The following MICAL3 variants were observed in gnomAD, a reference collection of about 807,000 sequenced individuals.
MICAL3 encodes the protein [F-actin]-monooxygenase MICAL3.
MICAL3 carries 62 observed loss-of-function variants against 207.4 expected under a neutral mutation model. The observed-to-expected ratio is 0.30, with a 90% CI of 0.24 to 0.37. MICAL3 has a LOEUF of 0.37. MICAL3 is among the 10% of genes least tolerant of loss of function. The pLI is 1.00. For synonymous variants in MICAL3, 1,077 were observed against 1,069.3 expected (o/e 1.01, Z -0.14); for missense variants, 2,368 against 2,635.6 (o/e 0.90, Z 2.22).
At chr22:17,877,536 G>A (rs1316201543) in intron 16 of MICAL3, among the ~76,000 whole-genome samples, 39 of 143,010 alleles carry the variant, frequency 2.7e-4, no homozygotes, top group South Asian at 6.8e-4. Flanking sequence ...GGTGAGGGAG[G>A]TTATGGAGGT....
chr22:17,921,375 G>A (rs551837807), intron 1 of MICAL3, among the ~76,000 whole-genome samples: 3 of 152,174 alleles, frequency 2.0e-5, no homozygotes, highest in East Asian at 3.8e-4. Context: ...ACTGTCTCCC[G>A]GGTATGCAAC....
chr22:17,976,540 T>C (rs1935641113), intron 1 of MICAL3, among the ~76,000 whole-genome samples: 1 of 48,998 alleles, frequency 2.0e-5, no homozygotes, highest in Non-Finnish European at 3.6e-5. Context: ...TATATATGTG[T>C]GTGTGTGTGT....
chr22:17,944,309 T>A (rs1569141630), intron 1 of MICAL3, among the ~76,000 whole-genome samples: 1 of 151,990 alleles, frequency 6.6e-6, no homozygotes. Flanking sequence ...ATCTCATGAA[T>A]GAAGCTGTTT....
chr22:17,820,899 TTAA>T (rs1921530934), intron 25 of MICAL3, among the ~76,000 whole-genome samples: 1 of 146,210 alleles, frequency 6.8e-6, no homozygotes, highest in Non-Finnish European at 1.5e-5. Context: ...AACATAAATT[TTAA>T]TAAATTTATA....
chr22:17,833,839 C>G (rs1424574515), intron 20 of MICAL3, among the ~76,000 whole-genome samples: 1 of 152,276 alleles, frequency 6.6e-6, no homozygotes, highest in East Asian at 1.9e-4. Context: ...ATACTCCTGG[C>G]GTATCGTCAC....
chr22:17,947,906 T>C (rs1364795737), intron 1 of MICAL3, among the ~76,000 whole-genome samples: 1 of 152,050 alleles, frequency 6.6e-6, no homozygotes, highest in East Asian at 1.9e-4. Flanking sequence ...CAAATACAGT[T>C]ATGAATTCAT....
chr22:17,864,346 G>A (rs1315105516), intron 19 of MICAL3: 47 of 1,240,412 alleles, frequency 3.8e-5, no homozygotes, highest in Non-Finnish European at 4.7e-5. Flanking sequence ...AGGGCAGACA[G>A]GAGAGCAGCC....
intron 1 of MICAL3, among the ~76,000 whole-genome samples, chr22:17,911,335 GA>G (rs11312932): frequency 0.42 from 61,460 of 146,406 alleles, 12,648 homozygotes; most frequent in East Asian, 0.56. Context: ...TTTAAAAATA[GA>G]AAAAAAAAAA....
rs1272089983 is a variant in MICAL3, at chr22:17,810,715, C to G, written c.5544G>C (p.Leu1848=). 1 of 1,613,876 alleles carries G rather than the reference C, an allele frequency of 6.2e-7. No homozygotes were observed. The highest frequency in any genetic ancestry group is 1.7e-5 in the Admixed American group (1 of 60,026). Residue 1848 remains leucine, a synonymous_variant, in exon 28 of 32, where the codon CTG becomes CTC. Coordinates refer to ENST00000441493, the MANE Select transcript of MICAL3 (RefSeq NM_015241.3). ...RQAKQEELKR[L]HRAQIIQRQL... ...TCCATGGTTTTACCTGGGCTCGATG[C>G]AGCCGCTTAAGCTCCTCCTGCTTGG... is the stretch of plus-strand genomic sequence containing the variant.
chr22:17,971,768 G>A (rs1263551678), intron 1 of MICAL3, among the ~76,000 whole-genome samples: 1 of 152,200 alleles, frequency 6.6e-6, no homozygotes, highest in Non-Finnish European at 1.5e-5. Context: ...ACAGAACATC[G>A]GAAGGGGCCC....
At position 17,874,461 on chromosome 22, in the gene MICAL3, T is replaced by C. The variant is rs564959942; in HGVS notation, c.2242-2438A>G. Among the ~76,000 whole-genome samples, 20 of 152,292 alleles carry C rather than the reference T, an allele frequency of 1.3e-4. No individual in the cohort carries two copies. In the South Asian group the frequency reaches 3.5e-3, roughly 27 times the overall value. On this transcript the variant is annotated intron_variant, in intron 16 of 31. Transcript: ENST00000441493. ...AGGACACCAAGCCAGCCCTGGGCCC[T>C]CACTGCTCAGCCAGGACCCTTTTCT...
intron 29 of MICAL3, chr22:17,803,877 G>C: frequency 5.1e-6 from 5 of 983,762 alleles, no homozygotes; most frequent in Non-Finnish European, 6.0e-6. Flanking sequence ...ACAAGGAATC[G>C]GTGAAGAGAG....
At chr22:17,940,003 G>T (rs2146335325) in intron 1 of MICAL3, among the ~76,000 whole-genome samples, 1 of 152,284 alleles carries the variant, frequency 6.6e-6, no homozygotes, top group Admixed American at 6.5e-5. Flanking sequence ...AAGCACCACA[G>T]CCGGCAGTCC....
In MICAL3 at chr22:17,827,918, C is replaced by A; in HGVS notation, c.3056-137G>T. 15 of 747,058 alleles carry A rather than the reference C, an allele frequency of 2.0e-5. No individual in the cohort carries two copies. The South Asian group carries it at 2.7e-4, about 14-fold the overall frequency. The allele number at this position is 747,058 out of a possible 1,614,324, so 46.3% of individuals were successfully genotyped here. On this transcript the variant is annotated intron_variant, in intron 21 of 31. Transcript: ENST00000441493. ...ATCAGAAAGAAGTAAAAATTAAGAA[C>A]ATGTATGCACATGTATACACACACA...
intron 13 of MICAL3, 27 bp downstream of exon 13, chr22:17,889,007 C>T (rs757766637): frequency 1.4e-5 from 21 of 1,541,308 alleles, no homozygotes; most frequent in Middle Eastern, 3.5e-4. Flanking sequence ...AGCAGGGGGC[C>T]GCAAAGCAGC....
At chr22:17,800,626 C>T (rs1197061838) in intron 29 of MICAL3, among the ~76,000 whole-genome samples, 2 of 152,170 alleles carry the variant, frequency 1.3e-5, no homozygotes, top group African/African-American at 4.8e-5. Flanking sequence ...GGGTAGGAGT[C>T]GGCCCCTCTG....
rs1007332582 is a variant in MICAL3 at position 17,978,861 on chromosome 22, T to C, written c.-75+45420A>G. On this transcript the variant is annotated intron_variant, in intron 1 of 31. Transcript: ENST00000441493. ...ATGAATGAATGGTATGTGAATTATA[T>C]AATAAAGCTGTTTAAAAGAAAAAAA... 1.2e-4 allele frequency among the ~76,000 whole-genome samples: 18 copies of C among 144,416 alleles called. 1 individual carries two copies. The highest frequency in any genetic ancestry group is 8.8e-4 in the South Asian group (4 of 4,520). The allele number at this position is 144,416 out of a possible 152,430, so 94.7% of individuals were successfully genotyped here. A position where few individuals can be genotyped will look rare whatever the true frequency, so the allele number is the denominator to read the frequency against.
intron 19 of MICAL3, among the ~76,000 whole-genome samples, chr22:17,853,450 T>G (rs774470476): frequency 6.6e-6 from 1 of 152,246 alleles, no homozygotes; most frequent in Non-Finnish European, 1.5e-5. Context: ...ACACAGCCAG[T>G]AGAAATGATT....
chr22:17,952,465 C>T (rs1352148692), intron 1 of MICAL3, among the ~76,000 whole-genome samples: 2 of 152,174 alleles, frequency 1.3e-5, no homozygotes, highest in African/African-American at 2.4e-5. Flanking sequence ...TTGAGGAGGC[C>T]GAACTAAGTC....
Sources: gnomAD v4.1 joint callset for allele counts (sites outside exome capture counted in the v4.1 genomes callset) on GRCh38, gnomAD v4.1.1 for gene constraint, MANE v1.5 for transcripts, NCBI Gene and HGNC (gene_info 2026-07-23, HGNC 2026-07-21) for gene names.